KPNA1: variants seen among roughly 807,000 people sequenced by gnomAD.
KPNA1 encodes the protein importin subunit alpha-5.
In KPNA1, 10 loss-of-function variants were observed where a neutral mutation model predicts 70.5. That is an observed-to-expected ratio of 0.14 (90% confidence interval 0.09 to 0.24). The LOEUF is 0.24. Among genes scored for constraint, KPNA1 ranks in the 10% least tolerant of loss-of-function variants. The pLI, the probability that KPNA1 is intolerant of heterozygous loss-of-function variation, is 1.00. For missense variants in KPNA1, 397 were observed against 637.9 expected, an observed-to-expected ratio of 0.62 and a Z score of 4.07; for synonymous variants, 192 against 221.9, an observed-to-expected ratio of 0.87 and a Z score of 1.20.
intron 1 of KPNA1, among the ~76,000 whole-genome samples, chr3:122,513,446 C>A (rs555730677): frequency 3.3e-5 from 5 of 152,262 alleles, no homozygotes; most frequent in East Asian, 1.9e-4. Flanking sequence ...TCTCTTTGAT[C>A]TTTAAAAAGG....
chr3:122,501,641 T>A (rs1224339566), intron 1 of KPNA1, among the ~76,000 whole-genome samples: 1 of 152,206 alleles, frequency 6.6e-6, no homozygotes, highest in Non-Finnish European at 1.5e-5. Context: ...ACACTTGCTA[T>A]CCTGGAAAAC....
intron 5 of KPNA1, 137 bp from the exon 6 acceptor site, chr3:122,454,138 T>TCTG: frequency 1.9e-6 from 1 of 528,630 alleles, no homozygotes; most frequent in Non-Finnish European, 3.2e-6. Context: ...GAGTACTATA[T>TCTG]TAATTTTAAA....
At chr3:122,477,970 T>C (rs902235798) in intron 2 of KPNA1, among the ~76,000 whole-genome samples, 2 of 151,466 alleles carry the variant, frequency 1.3e-5, no homozygotes, top group Admixed American at 1.3e-4. Flanking sequence ...GAGACCATCC[T>C]GGCCAACATG....
intron 5 of KPNA1, chr3:122,459,706 A>C (rs930925340): frequency 2.0e-6 from 2 of 985,378 alleles, no homozygotes; most frequent in African/African-American, 3.5e-5. Flanking sequence ...CCTTAATTCA[A>C]ATGAGCATGG....
chr3:122,493,530 T>C (rs1576339736), intron 2 of KPNA1, among the ~76,000 whole-genome samples: 1 of 152,230 alleles, frequency 6.6e-6, no homozygotes, highest in East Asian at 1.9e-4. Context: ...GCCTCAGGAA[T>C]TTTTCTTAAT....
chr3:122,451,417 T>C, intron 8 of KPNA1, 117 bp downstream of exon 8: 1 of 621,666 alleles, frequency 1.6e-6, no homozygotes, highest in Middle Eastern at 2.7e-4. Flanking sequence ...CAAAAACAGA[T>C]AAAATTCTAA....
At chr3:122,452,244 T>G (rs971774669) in intron 6 of KPNA1, among the ~76,000 whole-genome samples, 180 bp from the exon 7 acceptor site, 1 of 152,156 alleles carries the variant, frequency 6.6e-6, no homozygotes, top group Non-Finnish European at 1.5e-5. Context: ...TTCGGTTTAT[T>G]AAAGGAAAGA....
chr3:122,499,983 G>C (rs1011460076), intron 1 of KPNA1, among the ~76,000 whole-genome samples: 8 of 152,178 alleles, frequency 5.3e-5, no homozygotes, highest in African/African-American at 1.9e-4. Context: ...TACTATTTCA[G>C]TGTCTTCACG....
At chr3:122,509,392 T>G (rs950514318) in intron 1 of KPNA1, among the ~76,000 whole-genome samples, 3 of 152,346 alleles carry the variant, frequency 2.0e-5, no homozygotes, top group Non-Finnish European at 4.4e-5. Context: ...CCTAGAGAAC[T>G]TCTATACAGG....
chr3:122,467,200 T>C (rs1281304275), intron 3 of KPNA1, 122 bp downstream of exon 3: 3 of 504,516 alleles, frequency 5.9e-6, no homozygotes, highest in East Asian at 3.4e-5. Flanking sequence ...ATTAAGCATA[T>C]TCTTTTTAAA....
At chr3:122,498,066 G>C (rs923615724) in intron 1 of KPNA1, among the ~76,000 whole-genome samples, 1 of 152,158 alleles carries the variant, frequency 6.6e-6, no homozygotes, top group Non-Finnish European at 1.5e-5. Context: ...AGCATGGTAT[G>C]AGAGTCCAAC....
At position 122,423,075 on chromosome 3, in the gene KPNA1, G is replaced by C. The variant is rs751802742; in HGVS notation, c.*3910C>G. On this transcript the variant is annotated 3_prime_UTR_variant, in exon 14 of 14. Transcript: ENST00000344337. ...CCTGAACTGCTGGGATTACAGGCAT[G>C]AGCCACCACATCCGGCCATAAACCC... is the stretch of plus-strand genomic sequence containing the variant. 1 of 152,202 alleles carries C rather than the reference G, an allele frequency of 6.6e-6. No homozygotes were observed. Among genetic ancestry groups the C allele is most frequent in the Non-Finnish European group, 1.5e-5 (1 of 68,034 alleles). 9.4% of individuals were successfully genotyped at this position (152,202 alleles called of 1,614,324 possible).
At chr3:122,506,522 C>A (rs116385335) in intron 1 of KPNA1, among the ~76,000 whole-genome samples, 1 of 152,066 alleles carries the variant, frequency 6.6e-6, no homozygotes, top group African/African-American at 2.4e-5. Flanking sequence ...TTTTCCTATA[C>A]GATAATTAAG....
intron 1 of KPNA1, among the ~76,000 whole-genome samples, chr3:122,511,452 C>G (rs1052010650): frequency 6.6e-6 from 1 of 152,242 alleles, no homozygotes; most frequent in African/African-American, 2.4e-5. Flanking sequence ...TAGTCTACAA[C>G]ACTTGGACAG....
intron 2 of KPNA1, among the ~76,000 whole-genome samples, chr3:122,490,632 C>T (rs925154470): frequency 6.6e-6 from 1 of 152,170 alleles, no homozygotes; most frequent in Non-Finnish European, 1.5e-5. Flanking sequence ...AAAATATTCC[C>T]TATCTTTAAC....
chr3:122,467,199 A>G (rs2076390785), intron 3 of KPNA1, 123 bp downstream of exon 3: 3 of 503,556 alleles, frequency 6.0e-6, no homozygotes, highest in Non-Finnish European at 1.1e-5. Flanking sequence ...GATTAAGCAT[A>G]TTCTTTTTAA....
intron 1 of KPNA1, among the ~76,000 whole-genome samples, chr3:122,509,192 G>A (rs909996874): frequency 2.0e-5 from 3 of 151,164 alleles, no homozygotes; most frequent in Non-Finnish European, 4.4e-5. Flanking sequence ...GTTGCGGTGA[G>A]CCAAGATCAT....
chr3:122,450,567 A>C (rs2076188816), intron 8 of KPNA1, among the ~76,000 whole-genome samples: 1 of 152,174 alleles, frequency 6.6e-6, no homozygotes, highest in Non-Finnish European at 1.5e-5. Flanking sequence ...GGGCAACAAG[A>C]GCAAAACTCC....
chr3:122,450,308 G>A (rs898647897), intron 8 of KPNA1, among the ~76,000 whole-genome samples: 8 of 152,182 alleles, frequency 5.3e-5, no homozygotes, highest in African/African-American at 1.7e-4. Flanking sequence ...GCAGCTGGGC[G>A]TGGTGGCTCA....
Sources: allele counts gnomAD v4.1 joint callset (sites outside exome capture counted in the v4.1 genomes callset), GRCh38; gene constraint gnomAD v4.1.1; transcripts MANE v1.5; gene names NCBI Gene and HGNC (gene_info 2026-07-23, HGNC 2026-07-21).